Variants in PPP1R37 observed in about 807,000 individuals in gnomAD.
The protein encoded by PPP1R37 is protein phosphatase 1 regulatory subunit 37.
PPP1R37 carries 21 observed loss-of-function variants against 61.0 expected under a neutral mutation model. The observed-to-expected ratio is 0.34, with a 90% CI of 0.24 to 0.50. PPP1R37 has a LOEUF of 0.50. Ranked by LOEUF, PPP1R37 falls within the 20% of genes least tolerant of loss-of-function variation. PPP1R37 has a pLI of 0.98. For synonymous variants in PPP1R37, 443 were observed against 433.5 expected (o/e 1.02, Z -0.27); for missense variants, 910 against 952.7 (o/e 0.96, Z 0.59).
At chr19:45,104,475 C>T (rs1968104497) in intron 1 of PPP1R37, among the ~76,000 whole-genome samples, 1 of 152,198 alleles carries the variant, frequency 6.6e-6, no homozygotes, top group South Asian at 2.1e-4. Context: ...ATTTCGTTCA[C>T]TGAGTCCTTT....
intron 8 of PPP1R37, 73 bp downstream of exon 8, chr19:45,143,706 T>C: frequency 1.1e-6 from 1 of 878,060 alleles, no homozygotes. Flanking sequence ...CTCAGCACAG[T>C]TGCCTCTAGC....
chr19:45,093,630 T>A, intron 1 of PPP1R37, 103 bp downstream of exon 1: 1 of 769,534 alleles, frequency 1.3e-6, no homozygotes, highest in Non-Finnish European at 2.1e-6. Context: ...AGATTGCACC[T>A]AATGGTGAAT....
intron 1 of PPP1R37, among the ~76,000 whole-genome samples, chr19:45,103,886 G>C (rs558251129): frequency 6.6e-6 from 1 of 152,224 alleles, no homozygotes; most frequent in East Asian, 1.9e-4. Context: ...GAATGGTTCT[G>C]ATCCTCTGTC....
intron 1 of PPP1R37, among the ~76,000 whole-genome samples, chr19:45,101,521 C>T (rs1489992778): frequency 6.6e-6 from 1 of 152,166 alleles, no homozygotes; most frequent in East Asian, 1.9e-4. Flanking sequence ...AGTTTAAGAC[C>T]AGCCTTGGCA....
chr19:45,124,180 T>TGAGAC, intron 1 of PPP1R37, among the ~76,000 whole-genome samples: 1 of 151,900 alleles, frequency 6.6e-6, no homozygotes, highest in South Asian at 2.1e-4. Flanking sequence ...GCCCAGAGGG[T>TGAGAC]GGGGCCTGAC....
intron 1 of PPP1R37, among the ~76,000 whole-genome samples, chr19:45,133,060 T>G (rs1204470197): frequency 1.3e-5 from 2 of 152,102 alleles, no homozygotes; most frequent in African/African-American, 4.8e-5. Flanking sequence ...CCAGGCAGTC[T>G]CGCCCCAGAA....
rs1968341908 is a variant in PPP1R37, at chr19:45,121,498, C to G, written c.203-17016C>G. ...GGCGGGATTGAGGCCACTGGATTCC[C>G]TAGGTAGGGAGCTCCCCAAATACAG... On this transcript the variant is annotated intron_variant, in intron 1 of 12. Coordinates refer to ENST00000221462, the MANE Select transcript of PPP1R37 (RefSeq NM_019121.2). This position sits in a 1 kb window ranked among gnomAD's most constrained non-coding sequence, Gnocchi z 4.2. 6.6e-6 allele frequency among the ~76,000 whole-genome samples: 1 copy of G among 152,198 alleles called. No individual in the cohort carries two copies. Among genetic ancestry groups the G allele is most frequent in the African/African-American group, 2.4e-5 (1 of 41,448 alleles).
At chr19:45,123,389 G>C (rs566319241) in intron 1 of PPP1R37, among the ~76,000 whole-genome samples, 1 of 152,194 alleles carries the variant, frequency 6.6e-6, no homozygotes, top group African/African-American at 2.4e-5. Context: ...GGCAGGACCC[G>C]CTCTCCACAT....
At chr19:45,115,949 G>A (rs1968261645) in intron 1 of PPP1R37, among the ~76,000 whole-genome samples, 1 of 151,902 alleles carries the variant, frequency 6.6e-6, no homozygotes, top group Non-Finnish European at 1.5e-5. Context: ...ACTCCAGCCT[G>A]GGTGACAAGA....
chr19:45,102,448 G>A (rs1968076235), intron 1 of PPP1R37, among the ~76,000 whole-genome samples: 3 of 152,198 alleles, frequency 2.0e-5, no homozygotes, highest in Admixed American at 2.0e-4. Flanking sequence ...TGGGGATTGA[G>A]GATTAAATTA....
At chr19:45,119,386 C>T (rs1968311384) in intron 1 of PPP1R37, among the ~76,000 whole-genome samples, 1 of 152,212 alleles carries the variant, frequency 6.6e-6, no homozygotes, top group Non-Finnish European at 1.5e-5. Context: ...CTCCTGACCT[C>T]AGGTGATCTG....
At chr19:45,142,646 G>A in intron 7 of PPP1R37, 188 bp downstream of exon 7, 1 of 635,568 alleles carries the variant, frequency 1.6e-6, no homozygotes, top group Non-Finnish European at 2.7e-6. Flanking sequence ...CTGGGCTGGT[G>A]GAGCCCAGAG....
chr19:45,145,413 C>G lies in PPP1R37; in HGVS notation c.1357C>G (p.Arg453Gly). Residue 453 changes from arginine to glycine, a missense_variant, in exon 11 of 13, where the codon CGC (arginine) becomes GGC (glycine). Physicochemically the swap from Arg to Gly is moderately radical, Grantham distance 125. Transcript: ENST00000221462. ...GGCCGAGATCCAGAACGGCTGCAAG[C>G]GCAACTTGGTGCTGGCGCGGGAGAG... ...LLAEIQNGCK[R>G]NLVLAREREE... 2 of 1,535,416 alleles carry G rather than the reference C, an allele frequency of 1.3e-6. No homozygotes were observed. The highest frequency in any genetic ancestry group is 1.7e-6 in the Non-Finnish European group (2 of 1,146,624).
intron 2 of PPP1R37, 104 bp downstream of exon 2, chr19:45,138,715 G>A (rs1968569537): frequency 3.0e-6 from 2 of 668,684 alleles, no homozygotes; most frequent in African/African-American, 3.6e-5. Flanking sequence ...AGCCCCAGGT[G>A]TTCATGAATA....
At chr19:45,113,449 A>G (rs911705507) in intron 1 of PPP1R37, among the ~76,000 whole-genome samples, 1 of 152,190 alleles carries the variant, frequency 6.6e-6, no homozygotes, top group African/African-American at 2.4e-5. Context: ...CATTTTACCA[A>G]TGAAGGAGAG....
intron 1 of PPP1R37, among the ~76,000 whole-genome samples, chr19:45,111,485 C>G (rs1185905924): frequency 6.6e-6 from 1 of 152,176 alleles, no homozygotes; most frequent in Non-Finnish European, 1.5e-5. Context: ...CCTTGTTGGC[C>G]AGGCTGGTCT....
chr19:45,102,422 A>G (rs1968075897), intron 1 of PPP1R37, among the ~76,000 whole-genome samples: 1 of 152,188 alleles, frequency 6.6e-6, no homozygotes, highest in African/African-American at 2.4e-5. Context: ...TCTTTGCCTC[A>G]GTGTCCCCAT....
chr19:45,127,300 T>G (rs1029194268), intron 1 of PPP1R37, among the ~76,000 whole-genome samples: 4 of 141,204 alleles, frequency 2.8e-5, no homozygotes, highest in African/African-American at 1.1e-4. Flanking sequence ...TGCAGTAAGC[T>G]GAGATCATGC....
chr19:45,093,577 C>G (rs767207775), intron 1 of PPP1R37, 50 bp downstream of exon 1: 7 of 1,440,846 alleles, frequency 4.9e-6, no homozygotes, highest in African/African-American at 1.4e-5. Flanking sequence ...ACCCGGGAGT[C>G]GGGAGGGATC....
Sources: gnomAD v4.1 joint callset for allele counts (sites outside exome capture counted in the v4.1 genomes callset) on GRCh38, gnomAD v4.1.1 for gene constraint, Gnocchi (gnomAD v3.1) non-coding constraint, MANE v1.5 for transcripts, NCBI Gene and HGNC (gene_info 2026-07-23, HGNC 2026-07-21) for gene names.